METTL21A: variants seen among roughly 807,000 people sequenced by gnomAD.
METTL21A encodes protein N-lysine methyltransferase METTL21A.
METTL21A carries 22 observed loss-of-function variants against 20.9 expected under a neutral mutation model. The ratio of observed to expected loss-of-function variants is 1.05; its 90% CI spans 0.75 to 1.50. METTL21A has a LOEUF of 1.50. Among genes scored for constraint, METTL21A ranks in the 40% most tolerant of loss-of-function variants. METTL21A has a pLI of 0.00. For synonymous variants in METTL21A, 93 were observed against 102.0 expected, an observed-to-expected ratio of 0.91 and a Z score of 0.53; for missense variants, 271 against 266.8, an observed-to-expected ratio of 1.02 and a Z score of -0.11.
chr2:207,596,223 T>G (rs999556734), intron 3 of METTL21A, among the ~76,000 whole-genome samples: 1 of 152,226 alleles, frequency 6.6e-6, no homozygotes, highest in African/African-American at 2.4e-5. Flanking sequence ...TTGAAGAGAC[T>G]GTTAGATTTT....
chr2:207,619,785 C>G (rs980482487), intron 3 of METTL21A, among the ~76,000 whole-genome samples: 3 of 151,906 alleles, frequency 2.0e-5, no homozygotes, highest in East Asian at 1.9e-4. Context: ...AGCAGTTACT[C>G]AGAGAGTAAT....
Position 207,587,242 on chromosome 2 carries a change from A to G in METTL21A, c.260-5082T>C, listed in dbSNP as rs559141587. ...CTCCTTCTTTACTAAAAATCCAAAAATTCAGCCAGGCATGGTGGCGGGTGC... is the reference window on the plus strand; with the variant it reads ...CTCCTTCTTTACTAAAAATCCAAAAGTTCAGCCAGGCATGGTGGCGGGTGC... On this transcript the variant is annotated intron_variant, in intron 3 of 3. Transcript: ENST00000425132. 3.9e-5 allele frequency among the ~76,000 whole-genome samples: 6 copies of G among 152,190 alleles called. No homozygotes were observed. In the East Asian group the frequency reaches 1.2e-3, roughly 29 times the overall value.
chr2:207,592,911 C>CAAAAAAGAAAAAAAAAAAGAA (rs146008919), intron 3 of METTL21A, among the ~76,000 whole-genome samples: 119,406 of 144,164 alleles, frequency 0.83, 49,637 homozygotes, highest in East Asian at 1. Flanking sequence ...GACTCCATCT[C>CAAAAAAGAAAAAAAAAAAGAA]AAAAAAGAAA....
At chr2:207,583,548 T>C (rs2083306100) in intron 3 of METTL21A, among the ~76,000 whole-genome samples, 1 of 152,240 alleles carries the variant, frequency 6.6e-6, no homozygotes, top group Non-Finnish European at 1.5e-5. Context: ...AGTGCTGTTT[T>C]CTAAAGTTAC....
At chr2:207,605,322 G>A (rs1399566250), downstream of METTL21A, among the ~76,000 whole-genome samples, 3 of 152,142 alleles carry the variant, frequency 2.0e-5, no homozygotes, top group Admixed American at 2.0e-4. Flanking sequence ...ATGATGTGGA[G>A]CATCTTTTGT....
intron 3 of METTL21A, among the ~76,000 whole-genome samples, chr2:207,596,072 G>A (rs1165339564): frequency 2.6e-5 from 4 of 152,108 alleles, no homozygotes; most frequent in Non-Finnish European, 5.9e-5. Context: ...GTCAGAGAGT[G>A]TTTTCTTCTA....
intron 3 of METTL21A, among the ~76,000 whole-genome samples, chr2:207,584,188 TGAA>T (rs1338566894): frequency 6.6e-6 from 1 of 152,254 alleles, no homozygotes; most frequent in East Asian, 1.9e-4. Context: ...GCTGGTTGCA[TGAA>T]ATGTAACTAA....
intron 3 of METTL21A, among the ~76,000 whole-genome samples, chr2:207,615,002 C>T (rs1401926717): frequency 6.6e-6 from 1 of 152,142 alleles, no homozygotes; most frequent in African/African-American, 2.4e-5. Flanking sequence ...TATCTTGACA[C>T]ATAAGTTAGG....
At position 207,613,133 on chromosome 2, in the gene METTL21A, T is replaced by C. The variant is rs752075641; in HGVS notation, c.570A>G (p.Gln190=). The change falls in exon 4 of 4, where the codon CAA becomes CAG. Residue 190 remains glutamine (Q), a synonymous_variant. Transcript: ENST00000406927. ...CGTAGTGAACCTTTCTCACAGTAAA[T>C]TGCCTCTCCAGCATTGCTAAGAAGT... 9.9e-6 allele frequency: 16 copies of C among 1,612,794 alleles called. 1 individual carries two copies. The highest frequency in any genetic ancestry group is 1.3e-5 in the Non-Finnish European group (15 of 1,179,674).
At chr2:207,608,742 C>T (rs1169102596), downstream of METTL21A, among the ~76,000 whole-genome samples, 5 of 152,168 alleles carry the variant, frequency 3.3e-5, no homozygotes, top group African/African-American at 7.2e-5. Flanking sequence ...CTGGCTAACA[C>T]GGTGAAACCC....
At chr2:207,582,590 T>C (rs2083112534) in intron 3 of METTL21A, among the ~76,000 whole-genome samples, 1 of 152,204 alleles carries the variant, frequency 6.6e-6, no homozygotes, top group Non-Finnish European at 1.5e-5. Context: ...TAAGCACATC[T>C]TTACTTTCTG....
At chr2:207,600,262 T>TATAC (rs1006383538) in intron 3 of METTL21A, 1 of 153,608 alleles carries the variant, frequency 6.5e-6, no homozygotes, top group African/African-American at 2.6e-5. Flanking sequence ...TATATATATA[T>TATAC]ACATACAGTA....
chr2:207,588,924 A>G (rs978536478), intron 3 of METTL21A, among the ~76,000 whole-genome samples: 6 of 151,464 alleles, frequency 4.0e-5, no homozygotes, highest in African/African-American at 9.7e-5. Context: ...TTCTCTACAC[A>G]AATTATCATG....
At chr2:207,621,744 A>G in intron 3 of METTL21A, 62 bp downstream of exon 3, 1 of 1,438,572 alleles carries the variant, frequency 7.0e-7, no homozygotes, top group Admixed American at 1.7e-5. Flanking sequence ...TTGCGCTAAG[A>G]AAACAGCAAA....
chr2:207,602,713 C>G (rs1419924401), intron 3 of METTL21A: 3 of 210,308 alleles, frequency 1.4e-5, no homozygotes, highest in South Asian at 1.9e-4. Context: ...TATTTTTATC[C>G]AAGTGCCACT....
chr2:207,597,961 T>G (rs1167940901), intron 3 of METTL21A: 1 of 184,612 alleles, frequency 5.4e-6, no homozygotes, highest in African/African-American at 2.3e-5. Flanking sequence ...TCAAAAATAT[T>G]TATATTGTCA....
At chr2:207,592,140 G>T (rs1024208013) in intron 3 of METTL21A, among the ~76,000 whole-genome samples, 24 of 151,806 alleles carry the variant, frequency 1.6e-4, no homozygotes, top group African/African-American at 4.8e-4. Context: ...TTTTTTCTTT[G>T]AAGTGACAGA....
intron 3 of METTL21A, among the ~76,000 whole-genome samples, chr2:207,603,613 A>G (rs2087515882): frequency 6.6e-6 from 1 of 152,214 alleles, no homozygotes; most frequent in Non-Finnish European, 1.5e-5. Flanking sequence ...TTTCAGGACA[A>G]AACCTGTTTT....
At chr2:207,592,480 GC>G (rs1185980999) in intron 3 of METTL21A, among the ~76,000 whole-genome samples, 1 of 152,000 alleles carries the variant, frequency 6.6e-6, no homozygotes, top group African/African-American at 2.4e-5. Context: ...TGTATATAAT[GC>G]TCCTTTTCTT....
Sources: allele counts gnomAD v4.1 joint callset (sites outside exome capture counted in the v4.1 genomes callset), GRCh38; gene constraint gnomAD v4.1.1; transcripts MANE v1.5; gene names NCBI Gene and HGNC (gene_info 2026-07-23, HGNC 2026-07-21).